The following RAB38 variants were observed in gnomAD, a reference collection of about 807,000 sequenced individuals.
RAB38 encodes the protein RAB38, member RAS oncogene family.
In RAB38, 15 loss-of-function variants were observed where a neutral mutation model predicts 18.4. That is an observed-to-expected ratio of 0.82 (90% CI 0.55 to 1.26). The LOEUF (loss-of-function observed/expected upper bound fraction) is 1.26, where lower values mean the gene tolerates loss of function less well. Among genes scored for constraint, RAB38 ranks in the 50% most tolerant of loss-of-function variants. The pLI, the probability that RAB38 is intolerant of heterozygous loss-of-function variation, is 0.00. For synonymous variants in RAB38, 101 were observed against 104.4 expected (o/e 0.97, Z 0.20); for missense variants, 294 against 267.4 (o/e 1.10, Z -0.69).
intron 2 of RAB38, 21 bp downstream of exon 2, chr11:88,149,654 T>C: frequency 1.3e-6 from 2 of 1,591,886 alleles, no homozygotes; most frequent in Non-Finnish European, 1.7e-6. Context: ...ATATTAAGCT[T>C]ATTATTTAAA....
chr11:88,121,964 A>C (rs1942636584), intron 2 of RAB38, among the ~76,000 whole-genome samples: 1 of 152,214 alleles, frequency 6.6e-6, no homozygotes, highest in South Asian at 2.1e-4. Context: ...TAAATCGCAA[A>C]AGTTACGAAC....
chr11:87,962,369 AG>A, the RAB38 span, among the ~76,000 whole-genome samples: 11 of 152,156 alleles, frequency 7.2e-5, no homozygotes, highest in African/African-American at 2.2e-4. Flanking sequence ...CATTACGCTA[AG>A]TAAAATTAGC....
the RAB38 span, among the ~76,000 whole-genome samples, chr11:88,104,824 G>T: frequency 6.6e-6 from 1 of 151,994 alleles, no homozygotes; most frequent in Admixed American, 6.6e-5. Flanking sequence ...CTTATCCTTT[G>T]TCCTCTCAAT....
chr11:87,938,115 A>G, the RAB38 span, among the ~76,000 whole-genome samples: 1 of 152,194 alleles, frequency 6.6e-6, no homozygotes, highest in Non-Finnish European at 1.5e-5. Flanking sequence ...TGTTACCTGT[A>G]AGTGAAGGTA....
chr11:87,803,871 G>A, the RAB38 span, among the ~76,000 whole-genome samples: 2 of 152,196 alleles, frequency 1.3e-5, no homozygotes, highest in South Asian at 2.1e-4. Context: ...AGCAAATTCC[G>A]TTAGGCCCCA....
At chr11:87,929,167 A>G in the RAB38 span, among the ~76,000 whole-genome samples, 1,647 of 152,106 alleles carry the variant, frequency 0.011, 16 homozygotes, top group South Asian at 0.05. Context: ...ATTCAAGTCT[A>G]TCCTGTAGAG....
the RAB38 span, among the ~76,000 whole-genome samples, chr11:88,079,796 T>A: frequency 6.6e-6 from 1 of 151,466 alleles, no homozygotes; most frequent in South Asian, 2.1e-4. Context: ...AGAAAAAAAA[T>A]ATAGTAATCT....
chr11:87,855,747 A>G, the RAB38 span, among the ~76,000 whole-genome samples: 13 of 152,320 alleles, frequency 8.5e-5, no homozygotes, highest in African/African-American at 2.9e-4. Context: ...CTACATAAAA[A>G]TATCCTATGC....
At chr11:87,948,629 A>T in the RAB38 span, among the ~76,000 whole-genome samples, 1 of 151,302 alleles carries the variant, frequency 6.6e-6, no homozygotes, top group Non-Finnish European at 1.5e-5. Flanking sequence ...TTGTGAAAGG[A>T]CTTTTCTGCA....
At chr11:87,878,332 C>T in the RAB38 span, among the ~76,000 whole-genome samples, 1 of 148,518 alleles carries the variant, frequency 6.7e-6, no homozygotes, top group Non-Finnish European at 1.5e-5. Context: ...ATCAATCTAT[C>T]ATCTATCTAT....
At chr11:87,894,844 A>G in the RAB38 span, among the ~76,000 whole-genome samples, 1 of 151,486 alleles carries the variant, frequency 6.6e-6, no homozygotes, top group East Asian at 2.0e-4. Context: ...AGGTGATAAT[A>G]TAGGCAAAAT....
chr11:87,953,959 C>CA, the RAB38 span, among the ~76,000 whole-genome samples: 1 of 150,970 alleles, frequency 6.6e-6, no homozygotes, highest in South Asian at 2.1e-4. Flanking sequence ...TGTAAATCTA[C>CA]AAAATTTGAA....
chr11:88,169,627 G>A (rs1464904980), intron 1 of RAB38, among the ~76,000 whole-genome samples: 1 of 152,204 alleles, frequency 6.6e-6, no homozygotes, highest in African/African-American at 2.4e-5. Context: ...TAGAGGGCCA[G>A]ATGATGAAAT....
chr11:87,903,936 G>C, the RAB38 span, among the ~76,000 whole-genome samples: 1 of 150,276 alleles, frequency 6.7e-6, no homozygotes, highest in Admixed American at 6.6e-5. Flanking sequence ...TTATTTGTCT[G>C]GGAGTTTATT....
chr11:88,051,488 T>C, the RAB38 span, among the ~76,000 whole-genome samples: 1 of 149,940 alleles, frequency 6.7e-6, no homozygotes, highest in Non-Finnish European at 1.5e-5. Context: ...ATTGGAACAA[T>C]AGACAACCCC....
chr11:88,003,750 AAT>A, the RAB38 span, among the ~76,000 whole-genome samples: 15 of 1,680 alleles, frequency 8.9e-3, 1 homozygote, highest in South Asian at 0.059. Flanking sequence ...TATTATATAT[AAT>A]ATATATAATA....
the RAB38 span, among the ~76,000 whole-genome samples, chr11:88,022,621 A>AAAAAC: frequency 1.2e-4 from 18 of 149,554 alleles, no homozygotes; most frequent in African/African-American, 3.9e-4. Context: ...CAAAAAAAAA[A>AAAAAC]AAAAAAAAAA....
At chr11:87,975,071 T>C in the RAB38 span, among the ~76,000 whole-genome samples, 109 of 151,988 alleles carry the variant, frequency 7.2e-4, no homozygotes, top group Middle Eastern at 0.02. Context: ...TGGCATTCCT[T>C]AGCTTATAGA....
the RAB38 span, among the ~76,000 whole-genome samples, chr11:87,868,892 G>A: frequency 6.6e-6 from 1 of 151,600 alleles, no homozygotes; most frequent in Non-Finnish European, 1.5e-5. Context: ...CTTCAGGTCT[G>A]TATGCTGTCA....
Sources: allele counts gnomAD v4.1 joint callset (sites outside exome capture counted in the v4.1 genomes callset), GRCh38; gene constraint gnomAD v4.1.1; transcripts MANE v1.5; gene names NCBI Gene and HGNC (gene_info 2026-07-23, HGNC 2026-07-21).